PRKN: variants seen among roughly 807,000 people sequenced by gnomAD.
PRKN encodes parkin RBR E3 ubiquitin protein ligase, also known as E3 ubiquitin-protein ligase parkin.
A neutral mutation model predicts 59.5 loss-of-function variants in PRKN; 56 were observed. The observed-to-expected ratio is 0.94, with a 90% CI of 0.76 to 1.18. The LOEUF is 1.18. Among genes scored for constraint, PRKN ranks in the 50% most tolerant of loss-of-function variants. The pLI, the probability that PRKN is intolerant of heterozygous loss-of-function variation, is 0.00. For synonymous variants in PRKN, 250 were observed against 222.1 expected (o/e 1.13, Z -1.12); for missense variants, 657 against 596.4 (o/e 1.10, Z -1.06).
intron 1 of PRKN, among the ~76,000 whole-genome samples, chr6:162,531,323 G>A (rs1177713962): frequency 6.6e-6 from 1 of 152,112 alleles, no homozygotes; most frequent in Non-Finnish European, 1.5e-5. Flanking sequence ...AGACAGAGCC[G>A]ATTCATCACA....
intron 7 of PRKN, among the ~76,000 whole-genome samples, chr6:161,665,316 C>A (rs1784688496): frequency 6.6e-6 from 1 of 152,088 alleles, no homozygotes; most frequent in Admixed American, 6.5e-5. Flanking sequence ...GTAACTGAGG[C>A]TGACATAGAA....
chr6:162,010,512 TTA>T (rs1438484006), intron 5 of PRKN, among the ~76,000 whole-genome samples: 7 of 19,994 alleles, frequency 3.5e-4, no homozygotes, highest in African/African-American at 6.2e-4. Context: ...ATATATTATA[TTA>T]TATATTATAT....
chr6:162,329,544 G>A (rs1356758697), intron 2 of PRKN, among the ~76,000 whole-genome samples: 1 of 152,036 alleles, frequency 6.6e-6, no homozygotes, highest in African/African-American at 2.4e-5. Flanking sequence ...CTGTCAAGGA[G>A]ATTTTCAGCA....
At chr6:161,852,040 T>C (rs1393923002) in intron 6 of PRKN, among the ~76,000 whole-genome samples, 1 of 150,338 alleles carries the variant, frequency 6.7e-6, no homozygotes. Context: ...TGAGCTGAGA[T>C]TGTGCCACTG....
chr6:162,494,696 T>C, intron 1 of PRKN, among the ~76,000 whole-genome samples: 1 of 152,142 alleles, frequency 6.6e-6, no homozygotes, highest in African/African-American at 2.4e-5. Flanking sequence ...AGGGAGATAG[T>C]GAATGTAAAG....
chr6:161,919,019 A>T (rs1583346279), intron 6 of PRKN, among the ~76,000 whole-genome samples: 1 of 152,184 alleles, frequency 6.6e-6, no homozygotes, highest in Non-Finnish European at 1.5e-5. Context: ...AGAGCCAGCA[A>T]TTCCTCTCCT....
chr6:161,996,002 T>G (rs972158101), intron 5 of PRKN, among the ~76,000 whole-genome samples: 2 of 152,012 alleles, frequency 1.3e-5, no homozygotes, highest in Middle Eastern at 3.2e-3. Flanking sequence ...ATCCCCAAAA[T>G]TAGAGCTACC....
At chr6:162,566,528 C>A (rs914037419) in intron 1 of PRKN, among the ~76,000 whole-genome samples, 1 of 152,060 alleles carries the variant, frequency 6.6e-6, no homozygotes, top group Non-Finnish European at 1.5e-5. Context: ...ATTGGAAAGT[C>A]TAGAAGAAGT....
chr6:161,864,029 T>C (rs1338739756), intron 6 of PRKN, among the ~76,000 whole-genome samples: 2 of 152,226 alleles, frequency 1.3e-5, no homozygotes, highest in Non-Finnish European at 2.9e-5. Context: ...GCCTCAACGC[T>C]GATGGCTGCT....
intron 7 of PRKN, among the ~76,000 whole-genome samples, chr6:161,733,783 A>ATATATATATATATGTATATATATATAT (rs1554298472): frequency 1.5e-3 from 130 of 86,162 alleles, no homozygotes; most frequent in Admixed American, 2.2e-3. Context: ...AAAAAAAAAA[A>ATATATATATATATGTATATATATATAT]ATATATATAT....
At chr6:162,359,095 T>TATATAC (rs1477670064) in intron 2 of PRKN, among the ~76,000 whole-genome samples, 22 of 141,972 alleles carry the variant, frequency 1.5e-4, no homozygotes, top group East Asian at 1.2e-3. Flanking sequence ...TATATATATA[T>TATATAC]ATGAAATCAC....
chr6:162,008,141 G>T (rs1443272161), intron 5 of PRKN, among the ~76,000 whole-genome samples: 1 of 152,170 alleles, frequency 6.6e-6, no homozygotes, highest in Non-Finnish European at 1.5e-5. Flanking sequence ...GAGCTGCAAA[G>T]TTTACTATGA....
intron 6 of PRKN, among the ~76,000 whole-genome samples, chr6:161,962,579 C>T (rs1196362952): frequency 4.1e-5 from 6 of 145,500 alleles, no homozygotes; most frequent in African/African-American, 1.5e-4. Context: ...CTCGCTCTGT[C>T]ATCCAGGCTG....
chr6:161,645,631 T>C (rs1783901145), intron 7 of PRKN, among the ~76,000 whole-genome samples: 1 of 152,254 alleles, frequency 6.6e-6, no homozygotes, highest in Non-Finnish European at 1.5e-5. Context: ...TATATTATGT[T>C]AGATGGATGT....
intron 6 of PRKN, among the ~76,000 whole-genome samples, chr6:161,925,032 T>C (rs1418461446): frequency 6.6e-6 from 1 of 152,288 alleles, no homozygotes; most frequent in East Asian, 1.9e-4. Flanking sequence ...AATATTGTTG[T>C]TGTTGTTTTT....
At chr6:162,245,669 T>C (rs994072139) in intron 3 of PRKN, among the ~76,000 whole-genome samples, 1 of 152,142 alleles carries the variant, frequency 6.6e-6, no homozygotes, top group Non-Finnish European at 1.5e-5. Flanking sequence ...GTCAGACAGA[T>C]CTTGAAATCT....
intron 2 of PRKN, among the ~76,000 whole-genome samples, chr6:162,264,020 T>A (rs1780014855): frequency 6.6e-6 from 1 of 152,100 alleles, no homozygotes; most frequent in Non-Finnish European, 1.5e-5. Context: ...ACACCTGTAA[T>A]CCCAGCACTT....
chr6:162,501,968 T>G (rs1414423172), intron 1 of PRKN, among the ~76,000 whole-genome samples: 1 of 152,136 alleles, frequency 6.6e-6, no homozygotes, highest in African/African-American at 2.4e-5. Flanking sequence ...ATTAAGTAAT[T>G]TTAAAAATTA....
intron 7 of PRKN, among the ~76,000 whole-genome samples, chr6:161,698,030 T>A (rs945797744): frequency 3.3e-5 from 5 of 152,156 alleles, no homozygotes; most frequent in Non-Finnish European, 5.9e-5. Flanking sequence ...TAAAGAAACA[T>A]GCTTACTTAT....
Sources: allele counts gnomAD v4.1 joint callset (sites outside exome capture counted in the v4.1 genomes callset), GRCh38; gene constraint gnomAD v4.1.1; transcripts MANE v1.5; gene names NCBI Gene and HGNC (gene_info 2026-07-23, HGNC 2026-07-21).